The following ANK2 variants were observed in gnomAD, a reference collection of about 807,000 sequenced individuals.
ANK2 encodes the protein ankyrin-2.
In ANK2, 83 loss-of-function variants were observed where a neutral mutation model predicts 360.5. The ratio of observed to expected loss-of-function variants is 0.23; its 90% CI spans 0.19 to 0.28. ANK2 has a LOEUF of 0.28. ANK2 is among the 10% of genes least tolerant of loss of function. The pLI is 1.00. For missense variants in ANK2, 4,201 were observed against 4,795.7 expected (o/e 0.88, Z 3.66); for synonymous variants, 1,740 against 1,759.5 (o/e 0.99, Z 0.28).
intron 1 of ANK2, among the ~76,000 whole-genome samples, chr4:113,069,003 C>T (rs990988676): frequency 1.3e-5 from 2 of 151,924 alleles, no homozygotes; most frequent in African/African-American, 4.8e-5. Context: ...GTTGAGGCTG[C>T]AGTGAGCCAT....
At chr4:112,891,517 C>A (rs921046318) in intron 1 of ANK2, among the ~76,000 whole-genome samples, 3 of 152,054 alleles carry the variant, frequency 2.0e-5, no homozygotes, top group Admixed American at 1.3e-4. Context: ...TCTATAAATG[C>A]CCTCATTATT....
Position 113,353,774 on chromosome 4 carries a change from T to C in ANK2, c.5156T>C (p.Leu1719Ser). The change falls in exon 38 of 46, where the codon TTA becomes TCA. Residue 1719 changes from leucine (L) to serine (S), a missense_variant. Transcript: ENST00000357077. Reference protein sequence around the residue: ...KEKQKQKEEGLQASAEKAELK... With the variant: ...KEKQKQKEEGSQASAEKAELK... ...AAGCAGAAACAAAAAGAGGAAGGTT[T>C]ACAAGCTAGTGCAGAGAAAGCTGAA... 1 of 1,613,936 alleles carries C rather than the reference T, an allele frequency of 6.2e-7. No homozygotes were observed. Among genetic ancestry groups the C allele is most frequent in the East Asian group, 2.2e-5 (1 of 44,886 alleles).
chr4:113,187,879 T>C (rs1379808034), intron 2 of ANK2, among the ~76,000 whole-genome samples: 1 of 152,174 alleles, frequency 6.6e-6, no homozygotes, highest in African/African-American at 2.4e-5. Flanking sequence ...AAATTATCCA[T>C]TCATGAAGTG....
At chr4:113,346,839 C>G (rs753296921) in intron 35 of ANK2, among the ~76,000 whole-genome samples, 1 of 152,198 alleles carries the variant, frequency 6.6e-6, no homozygotes, top group Non-Finnish European at 1.5e-5. Context: ...CTCCCCCTCA[C>G]GTAATTCCTC....
intron 2 of ANK2, among the ~76,000 whole-genome samples, chr4:113,020,390 C>T (rs1292328104): frequency 6.6e-6 from 1 of 152,032 alleles, no homozygotes; most frequent in Non-Finnish European, 1.5e-5. Context: ...GAGACAGGGT[C>T]TCGCTGTGTT....
chr4:113,129,581 T>A (rs1449765703), intron 1 of ANK2, among the ~76,000 whole-genome samples: 1 of 152,228 alleles, frequency 6.6e-6, no homozygotes, highest in African/African-American at 2.4e-5. Context: ...ACATAAATTA[T>A]TATTTGAGTA....
At chr4:113,259,756 T>C (rs1586424341) in intron 13 of ANK2, among the ~76,000 whole-genome samples, 2 of 151,932 alleles carry the variant, frequency 1.3e-5, no homozygotes, top group East Asian at 3.9e-4. Flanking sequence ...TCTTAGAACT[T>C]TAAAAGTAAT....
intron 1 of ANK2, among the ~76,000 whole-genome samples, chr4:112,832,090 C>T (rs954163100): frequency 6.6e-6 from 1 of 152,236 alleles, no homozygotes; most frequent in Non-Finnish European, 1.5e-5. Context: ...CTCATTATGT[C>T]GCGCAGGCTG....
the ANK2 span, among the ~76,000 whole-genome samples, chr4:112,795,572 C>T: frequency 4.6e-5 from 7 of 151,924 alleles, no homozygotes; most frequent in Non-Finnish European, 8.8e-5. Context: ...GGTGCGATCT[C>T]GGCCCACTGC....
chr4:112,835,842 G>A (rs1342623382), intron 1 of ANK2, among the ~76,000 whole-genome samples: 1 of 152,132 alleles, frequency 6.6e-6, no homozygotes, highest in African/African-American at 2.4e-5. Context: ...GCAAATAGAT[G>A]TTCAATAAAT....
chr4:112,826,203 C>A, intron 1 of ANK2: 1 of 314,190 alleles, frequency 3.2e-6, no homozygotes, highest in Non-Finnish European at 5.9e-6. Flanking sequence ...TGTGACTTGT[C>A]ATTTGAGAAT....
chr4:113,202,711 C>A (rs557772038), intron 4 of ANK2, among the ~76,000 whole-genome samples: 1 of 152,274 alleles, frequency 6.6e-6, no homozygotes, highest in African/African-American at 2.4e-5. Flanking sequence ...TACACACTTA[C>A]GGATTTTTCT....
upstream of ANK2, among the ~76,000 whole-genome samples, chr4:113,044,857 AG>A: frequency 6.6e-6 from 1 of 152,138 alleles, no homozygotes; most frequent in East Asian, 1.9e-4. Flanking sequence ...CATATCTTTT[AG>A]GGGGACACAG....
chr4:113,009,636 G>A (rs2054054363), intron 2 of ANK2, among the ~76,000 whole-genome samples: 1 of 151,966 alleles, frequency 6.6e-6, no homozygotes, highest in Non-Finnish European at 1.5e-5. Context: ...CTTCAGCTGG[G>A]TCAGAGGACC....
At chr4:113,218,598 C>G (rs949660172) in intron 4 of ANK2, among the ~76,000 whole-genome samples, 1 of 152,138 alleles carries the variant, frequency 6.6e-6, no homozygotes, top group African/African-American at 2.4e-5. Context: ...AGTCTACTAG[C>G]TGCAGTTGAC....
At chr4:113,348,212 C>A in intron 35 of ANK2, 64 bp from the exon 36 acceptor site, 1 of 1,537,874 alleles carries the variant, frequency 6.5e-7, no homozygotes, top group South Asian at 1.1e-5. Flanking sequence ...TCCTTTTCTT[C>A]TAAATACTCT....
chr4:113,271,749 AAAGT>A (rs1230389571), intron 14 of ANK2, among the ~76,000 whole-genome samples: 9 of 152,364 alleles, frequency 5.9e-5, no homozygotes, highest in African/African-American at 2.2e-4. Flanking sequence ...TGTAATTTTT[AAAGT>A]TCACGCAGAA....
chr4:112,943,160 T>C (rs769957492), intron 2 of ANK2, among the ~76,000 whole-genome samples: 3 of 152,074 alleles, frequency 2.0e-5, no homozygotes, highest in South Asian at 2.1e-4. Context: ...AACCTCTCAC[T>C]CTGAAAACAG....
intron 41 of ANK2, among the ~76,000 whole-genome samples, chr4:113,366,270 A>T (rs1589203720): frequency 6.6e-6 from 1 of 151,998 alleles, no homozygotes; most frequent in Non-Finnish European, 1.5e-5. Context: ...CTCTTTTTCA[A>T]ATCTAGCAGG....
Sources: allele counts gnomAD v4.1 joint callset (sites outside exome capture counted in the v4.1 genomes callset), GRCh38; gene constraint gnomAD v4.1.1; transcripts MANE v1.5; gene names NCBI Gene and HGNC (gene_info 2026-07-23, HGNC 2026-07-21).